Variants in NRXN1 observed in about 807,000 individuals in gnomAD.
The protein encoded by NRXN1 is neurexin 1.
NRXN1 carries 39 observed loss-of-function variants against 150.9 expected under a neutral mutation model. That is an observed-to-expected ratio of 0.26 (90% CI 0.20 to 0.34). The LOEUF (loss-of-function observed/expected upper bound fraction) is 0.34, where lower values mean the gene tolerates loss of function less well. NRXN1 is among the 10% of genes least tolerant of loss of function. The pLI is 1.00. For synonymous variants in NRXN1, 924 were observed against 757.0 expected, an observed-to-expected ratio of 1.22 and a Z score of -3.62; for missense variants, 1,815 against 1,949.9, an observed-to-expected ratio of 0.93 and a Z score of 1.30.
At chr2:50,863,399 G>T (rs1676419053) in intron 5 of NRXN1, among the ~76,000 whole-genome samples, 1 of 151,982 alleles carries the variant, frequency 6.6e-6, no homozygotes, top group African/African-American at 2.4e-5. Flanking sequence ...ATGCAAATCA[G>T]CTGAGTGGGT....
chr2:50,863,945 T>A (rs1381940575), intron 5 of NRXN1, among the ~76,000 whole-genome samples: 1 of 151,984 alleles, frequency 6.6e-6, no homozygotes, highest in Non-Finnish European at 1.5e-5. Flanking sequence ...CAGCACCTCC[T>A]CAGGTTGAAA....
intron 18 of NRXN1, among the ~76,000 whole-genome samples, chr2:50,160,013 G>T (rs1558999071): frequency 6.6e-6 from 1 of 152,100 alleles, no homozygotes; most frequent in Non-Finnish European, 1.5e-5. Context: ...ATTAAAATAT[G>T]ATATGTGAGG....
intron 13 of NRXN1, among the ~76,000 whole-genome samples, chr2:50,504,784 C>CCAT (rs1013847144): frequency 1.3e-5 from 2 of 152,144 alleles, no homozygotes; most frequent in Non-Finnish European, 2.9e-5. Flanking sequence ...TTCATCTAGA[C>CCAT]CATCAAGTCA....
At chr2:50,958,802 TTCAGCAGCTGTGTGATC>T in intron 2 of NRXN1, among the ~76,000 whole-genome samples, 1 of 152,234 alleles carries the variant, frequency 6.6e-6, no homozygotes, top group Non-Finnish European at 1.5e-5. Flanking sequence ...TCAGCAATCA[TTCAGCAGCTGTGTGATC>T]TCAGCAGCTG....
chr2:50,210,682 ATTG>A (rs753985087), intron 18 of NRXN1, among the ~76,000 whole-genome samples: 31 of 151,782 alleles, frequency 2.0e-4, no homozygotes, highest in Non-Finnish European at 3.2e-4. Flanking sequence ...CACATATTTC[ATTG>A]TTGTTTTGAC....
At chr2:50,297,306 T>C (rs2073701556) in intron 17 of NRXN1, among the ~76,000 whole-genome samples, 2 of 152,312 alleles carry the variant, frequency 1.3e-5, no homozygotes, top group Non-Finnish European at 2.9e-5. Flanking sequence ...TCTTCGATGA[T>C]GAAGAACCAT....
At chr2:50,439,261 C>T (rs1182437896) in intron 17 of NRXN1, among the ~76,000 whole-genome samples, 2 of 152,156 alleles carry the variant, frequency 1.3e-5, no homozygotes, top group South Asian at 2.1e-4. Flanking sequence ...TTTCTGGTTG[C>T]CCCTGAAAAG....
At chr2:50,683,881 T>C (rs945607443) in intron 5 of NRXN1, among the ~76,000 whole-genome samples, 21 of 151,152 alleles carry the variant, frequency 1.4e-4, no homozygotes, top group Non-Finnish European at 2.1e-4. Context: ...ATTTTCAAAA[T>C]GGTAAAAGGA....
chr2:50,584,717 A>G (rs575837249), intron 8 of NRXN1, among the ~76,000 whole-genome samples: 24 of 152,316 alleles, frequency 1.6e-4, no homozygotes, highest in African/African-American at 5.5e-4. Flanking sequence ...TGGAATGTTC[A>G]AGGTCAGTAT....
chr2:50,709,514 A>C (rs1369854542), intron 5 of NRXN1, among the ~76,000 whole-genome samples: 1 of 152,104 alleles, frequency 6.6e-6, no homozygotes, highest in African/African-American at 2.4e-5. Flanking sequence ...ATCCAAACTG[A>C]ATCACTTCAG....
At chr2:50,950,664 T>C (rs1558477311) in intron 2 of NRXN1, among the ~76,000 whole-genome samples, 2 of 152,302 alleles carry the variant, frequency 1.3e-5, no homozygotes, top group South Asian at 2.1e-4. Flanking sequence ...TCACCCCCAA[T>C]TCTAAGCTGA....
At chr2:50,860,480 T>C (rs991507404) in intron 5 of NRXN1, among the ~76,000 whole-genome samples, 1 of 151,936 alleles carries the variant, frequency 6.6e-6, no homozygotes, top group Non-Finnish European at 1.5e-5. Flanking sequence ...GGTGAAAAGA[T>C]GAAAGGTGAA....
chr2:50,695,292 T>C (rs1163259608), intron 5 of NRXN1, among the ~76,000 whole-genome samples: 2 of 152,166 alleles, frequency 1.3e-5, no homozygotes, highest in Admixed American at 1.3e-4. Context: ...GATTAGATTG[T>C]CAAATCAGAC....
At chr2:49,987,490 T>C (rs1254090093) in intron 21 of NRXN1, among the ~76,000 whole-genome samples, 1 of 152,178 alleles carries the variant, frequency 6.6e-6, no homozygotes, top group African/African-American at 2.4e-5. Flanking sequence ...ATTTTCCTGA[T>C]GGAGATCATC....
chr2:50,312,017 G>C (rs2075226892), intron 17 of NRXN1, among the ~76,000 whole-genome samples: 1 of 152,092 alleles, frequency 6.6e-6, no homozygotes, highest in African/African-American at 2.4e-5. Flanking sequence ...TGTCCCTCCT[G>C]GCTTTGAGTA....
chr2:50,948,249 T>C (rs554253157), intron 2 of NRXN1, among the ~76,000 whole-genome samples: 2 of 152,116 alleles, frequency 1.3e-5, no homozygotes, highest in South Asian at 4.1e-4. Context: ...TTTTTAATCA[T>C]CAAACGTCCA....
chr2:50,438,902 G>A (rs1180078888), intron 17 of NRXN1, among the ~76,000 whole-genome samples: 5 of 152,180 alleles, frequency 3.3e-5, no homozygotes, highest in Non-Finnish European at 1.5e-5. Flanking sequence ...GATGCATTCT[G>A]TTGTCATTCA....
intron 17 of NRXN1, among the ~76,000 whole-genome samples, chr2:50,378,832 C>T (rs984764744): frequency 6.6e-6 from 1 of 152,026 alleles, no homozygotes; most frequent in Non-Finnish European, 1.5e-5. Context: ...TCTTCCTGAC[C>T]CTTAGCTAGA....
At chr2:50,691,784 C>G (rs1263919550) in intron 5 of NRXN1, among the ~76,000 whole-genome samples, 1 of 152,074 alleles carries the variant, frequency 6.6e-6, no homozygotes, top group African/African-American at 2.4e-5. Context: ...CGAGGGCTGA[C>G]TCGGGGATGC....
Sources: gnomAD v4.1 joint callset for allele counts (sites outside exome capture counted in the v4.1 genomes callset) on GRCh38, gnomAD v4.1.1 for gene constraint, MANE v1.5 for transcripts, NCBI Gene and HGNC (gene_info 2026-07-23, HGNC 2026-07-21) for gene names.